Variants in RNF169 observed in about 807,000 individuals in gnomAD.
The protein encoded by RNF169 is ring finger protein 169, also known as E3 ubiquitin-protein ligase RNF169.
A neutral mutation model predicts 53.9 loss-of-function variants in RNF169; 24 were observed. The ratio of observed to expected loss-of-function variants is 0.45; its 90% CI spans 0.32 to 0.63. RNF169 has a LOEUF of 0.63. Ranked by LOEUF, RNF169 falls within the 20% of genes least tolerant of loss-of-function variation. The pLI is 0.04. For missense variants in RNF169, 883 were observed against 906.2 expected (o/e 0.97, Z 0.33); for synonymous variants, 396 against 363.5 (o/e 1.09, Z -1.02).
chr11:74,833,780 G>A lies in RNF169; in HGVS notation c.843-896G>A, dbSNP rs554014533. Reference sequence around the variant, plus strand: ...AACAAAGGCGAGTGAGAAATTAAGTGTCCCTACTTGTTTCTGGGGCAGGTG... The same window carrying A: ...AACAAAGGCGAGTGAGAAATTAAGTATCCCTACTTGTTTCTGGGGCAGGTG... On this transcript the variant is annotated intron_variant, in intron 4 of 5. Transcript: ENST00000299563. Among the ~76,000 whole-genome samples the A allele has an allele frequency of 2.0e-5, 3 of 152,270 alleles. No individual in the cohort carries two copies. In the East Asian group the frequency reaches 5.8e-4, roughly 29 times the overall value.
chr11:74,830,110 A>C (rs1388006870), intron 4 of RNF169, among the ~76,000 whole-genome samples: 1 of 152,238 alleles, frequency 6.6e-6, no homozygotes, highest in Admixed American at 6.5e-5. Flanking sequence ...AAAAGCCTAC[A>C]TTATAAAAGA....
In RNF169 at chr11:74,810,185, T is replaced by C; in HGVS notation, c.578T>C (p.Leu193Pro). 1.2e-6 allele frequency: 2 copies of C among 1,604,900 alleles called. No individual in the cohort carries two copies. Among genetic ancestry groups the C allele is most frequent in the African/African-American group, 2.7e-5 (2 of 74,034 alleles). ...LREEYESLRKLREEKLQEEKP... is the reference protein window; with the variant it reads ...LREEYESLRKPREEKLQEEKP... The stretch of plus-strand genomic sequence containing the variant: ...TGTTTGCATAATTTATATTTTTAGC[T>C]GAGAGAAGAAAAGTTACAAGAGGAA... The change falls in exon 3 of 6, where the codon CTG (leucine) becomes CCG (proline). Residue 193 changes from leucine (L) to proline (P), a missense_variant and splice_region_variant. By Grantham distance (98) the Leu-to-Pro change is moderately conservative. Around this residue, in one of 3 missense-constraint regions of RNF169, gnomAD observed 219 missense variants for 289.1 expected, o/e 0.76. Coordinates refer to ENST00000299563, the MANE Select transcript of RNF169 (RefSeq NM_001098638.2).
chr11:74,808,196 A>G (rs192763103), intron 2 of RNF169: 18 of 152,306 alleles, frequency 1.2e-4, no homozygotes, highest in African/African-American at 3.4e-4. Context: ...TCTATTAAAA[A>G]ATAAAATTAA....
At chr11:74,766,383 C>G (rs75345172) in intron 1 of RNF169, among the ~76,000 whole-genome samples, 6,672 of 152,222 alleles carry the variant, frequency 0.044, 245 homozygotes, top group South Asian at 0.067. Flanking sequence ...TTAAAAGATA[C>G]AATCAGTTTA....
chr11:74,833,503 A>C (rs948505441), intron 4 of RNF169, among the ~76,000 whole-genome samples: 3 of 152,174 alleles, frequency 2.0e-5, no homozygotes, highest in African/African-American at 7.2e-5. Flanking sequence ...ACTTCATCCC[A>C]GGTTATGAAG....
At position 74,749,114 on chromosome 11, in the gene RNF169, A is replaced by C; in HGVS notation, c.234A>C (p.Ala78=). 1.4e-6 allele frequency: 2 copies of C among 1,409,388 alleles called. No individual in the cohort carries two copies. Among genetic ancestry groups the C allele is most frequent in the Non-Finnish European group, 1.9e-6 (2 of 1,079,486 alleles). 87.3% of individuals were successfully genotyped at this position (1,409,388 alleles called of 1,614,324 possible). ...GGTGCCTGGAGCCCCCCGGAGAAGC[A>C]GCGGCCCTGCCGTGCGGCCACTCGC... ...CAGCLEPPGE[A]AALPCGHSLC... The change falls in exon 1 of 6, where the codon GCA becomes GCC. Residue 78 remains alanine (A), a synonymous_variant. Coordinates refer to ENST00000299563, the MANE Select transcript of RNF169 (RefSeq NM_001098638.2).
At chr11:74,829,810 CAT>C (rs960937108) in intron 4 of RNF169, among the ~76,000 whole-genome samples, 14 of 151,970 alleles carry the variant, frequency 9.2e-5, no homozygotes, top group South Asian at 4.2e-4. Context: ...CTCATGGACA[CAT>C]GTGGGGAAAC....
rs933479041 is a variant in RNF169 at position 74,779,320 on chromosome 11, A to G, written c.503-10306A>G. On this transcript the variant is annotated intron_variant, in intron 1 of 5. Transcript: ENST00000299563. ...ACACAGTAGTAGTAGTACTACTACT[A>G]CCATAGTAGTAATCGGTGGTGTAAA... is the stretch of plus-strand genomic sequence containing the variant. Among the ~76,000 whole-genome samples, 77 of 152,132 alleles carry G rather than the reference A, an allele frequency of 5.1e-4. 1 individual carries two copies. Among genetic ancestry groups the G allele is most frequent in the Non-Finnish European group, 1.2e-4 (8 of 67,986 alleles).
At chr11:74,750,919 G>A (rs2034884009) in intron 1 of RNF169, among the ~76,000 whole-genome samples, 1 of 131,382 alleles carries the variant, frequency 7.6e-6, no homozygotes, top group African/African-American at 2.9e-5. Context: ...TGTCTCCCAG[G>A]CTGGAGTGCA....
intron 1 of RNF169, among the ~76,000 whole-genome samples, chr11:74,753,535 T>TTGA (rs1358317699): frequency 5.3e-5 from 8 of 152,238 alleles, no homozygotes; most frequent in Non-Finnish European, 1.2e-4. Context: ...GTTTTTGCCA[T>TTGA]AACTTTCAAT....
intron 3 of RNF169, among the ~76,000 whole-genome samples, chr11:74,811,158 A>C (rs192268376): frequency 2.0e-5 from 3 of 152,234 alleles, no homozygotes; most frequent in African/African-American, 7.2e-5. Context: ...CTGGATCAGC[A>C]GTCTACCTCT....
Position 74,749,240 on chromosome 11 carries a change from C to T in RNF169, c.360C>T (p.Asp120=), listed in dbSNP as rs1369952873. 3.7e-6 allele frequency: 4 copies of T among 1,082,918 alleles called. No individual in the cohort carries two copies. Among genetic ancestry groups the T allele is most frequent in the Non-Finnish European group, 4.5e-6 (4 of 894,988 alleles). The allele number at this position is 1,082,918 out of a possible 1,614,324, so 67.1% of individuals were successfully genotyped here. ...GCTGGGCCCGCCGTCGGGCCCGCGA[C>T]GACGGCCAGGCCGACTCAGAGGTGC... ...GPGWARRRAR[D]DGQADSEVLG... Residue 120 remains aspartate (D), a synonymous_variant, in exon 1 of 6, where the codon GAC becomes GAT. Transcript: ENST00000299563.
At chr11:74,804,780 G>T (rs2035781506) in intron 2 of RNF169, among the ~76,000 whole-genome samples, 1 of 152,106 alleles carries the variant, frequency 6.6e-6, no homozygotes, top group African/African-American at 2.4e-5. Flanking sequence ...TTCAGTTTCT[G>T]AGAACCTATG....
intron 2 of RNF169, among the ~76,000 whole-genome samples, chr11:74,800,931 T>C (rs1202725767): frequency 6.6e-6 from 1 of 152,258 alleles, no homozygotes; most frequent in African/African-American, 2.4e-5. Flanking sequence ...TAAACTTGGA[T>C]GCCTGCAATT....
At chr11:74,764,397 G>T (rs527317526) in intron 1 of RNF169, among the ~76,000 whole-genome samples, 6 of 152,324 alleles carry the variant, frequency 3.9e-5, no homozygotes, top group African/African-American at 1.2e-4. Context: ...GCCGGGTGTG[G>T]TGGCGCATGC....
intron 1 of RNF169, among the ~76,000 whole-genome samples, chr11:74,786,063 C>T (rs1365627100): frequency 6.6e-6 from 1 of 151,408 alleles, no homozygotes; most frequent in Non-Finnish European, 1.5e-5. Flanking sequence ...GTCTCAGCCT[C>T]CCAAGTAGCT....
In RNF169 at chr11:74,836,759, A is replaced by G. The variant is rs2036263976; in HGVS notation, c.*29A>G. The G allele has an allele frequency of 6.6e-7, 1 of 1,521,896 alleles. No individual in the cohort carries two copies. The highest frequency in any genetic ancestry group is 8.9e-7 in the Non-Finnish European group (1 of 1,118,186). 94.3% of individuals were successfully genotyped at this position (1,521,896 alleles called of 1,614,324 possible). On this transcript the variant is annotated 3_prime_UTR_variant, in exon 6 of 6. Transcript: ENST00000299563. Reference sequence around the variant, plus strand: ...CTAATGAAGTGTTACCTATTTTTAAAAGGTCTTAGGCCTTGATCATTTATC... The same window carrying G: ...CTAATGAAGTGTTACCTATTTTTAAGAGGTCTTAGGCCTTGATCATTTATC...
At chr11:74,775,994 G>A (rs2035327404) in intron 1 of RNF169, among the ~76,000 whole-genome samples, 1 of 152,060 alleles carries the variant, frequency 6.6e-6, no homozygotes, top group Admixed American at 6.6e-5. Flanking sequence ...AACCATTCTA[G>A]TCATCTTTAA....
intron 1 of RNF169, among the ~76,000 whole-genome samples, chr11:74,788,913 A>G (rs1282832265): frequency 6.6e-6 from 1 of 152,148 alleles, no homozygotes; most frequent in Non-Finnish European, 1.5e-5. Flanking sequence ...GAGTGGGCTC[A>G]ACTCTAGATG....
Sources: allele counts gnomAD v4.1 joint callset (sites outside exome capture counted in the v4.1 genomes callset), GRCh38; gene constraint gnomAD v4.1.1; regional missense constraint gnomAD v4.1.1; transcripts MANE v1.5; gene names NCBI Gene and HGNC (gene_info 2026-07-23, HGNC 2026-07-21).